CNTN5: variants seen among roughly 807,000 people sequenced by gnomAD.
CNTN5 encodes contactin 5, also known as contactin-5.
Under a neutral mutation model 129.1 loss-of-function variants are expected in CNTN5, and 77 were observed. The ratio of observed to expected loss-of-function variants is 0.60; its 90% confidence interval spans 0.50 to 0.72. The LOEUF (loss-of-function observed/expected upper bound fraction) is 0.72. Ranked by LOEUF, CNTN5 falls within the 30% of genes least tolerant of loss-of-function variation. The probability of loss-of-function intolerance (pLI) is 0.00; values close to 1 mark genes in which losing one functional copy is unlikely to be tolerated. For synonymous variants in CNTN5, 509 were observed against 465.6 expected (o/e 1.09, Z -1.20); for missense variants, 1,478 against 1,328.8 (o/e 1.11, Z -1.75).
intron 2 of CNTN5, among the ~76,000 whole-genome samples, chr11:99,408,722 C>A (rs923796949): frequency 1.4e-4 from 22 of 152,114 alleles, no homozygotes; most frequent in African/African-American, 5.3e-4. Flanking sequence ...CAGATTTAAC[C>A]TCCAAAAAAA....
At chr11:99,206,393 G>A (rs1859483792) in intron 1 of CNTN5, among the ~76,000 whole-genome samples, 2 of 152,162 alleles carry the variant, frequency 1.3e-5, no homozygotes, top group Admixed American at 6.5e-5. Flanking sequence ...CTTTCCCCAG[G>A]TCGTCTCAAT....
chr11:99,912,440 A>T (rs544151485), intron 6 of CNTN5, among the ~76,000 whole-genome samples: 1 of 151,976 alleles, frequency 6.6e-6, no homozygotes, highest in East Asian at 1.9e-4. Context: ...ATTCATTTAT[A>T]TATGTATATC....
chr11:99,479,977 G>A (rs1227413637), intron 2 of CNTN5, among the ~76,000 whole-genome samples: 1 of 150,550 alleles, frequency 6.6e-6, no homozygotes, highest in Admixed American at 6.7e-5. Context: ...AAGAAAAAAA[G>A]CTAAACCCTT....
rs1955011007 is a variant in CNTN5, at chr11:99,711,992, T to A, written c.56-107552T>A. Among the ~76,000 whole-genome samples the A allele has an allele frequency of 4.6e-5, 7 of 152,242 alleles. No homozygotes were observed. In the South Asian group the frequency reaches 1.4e-3, roughly 32 times the overall value. ...AATGATTTATAATCCTTTGGGTATA[T>A]ACCCAGTAATATAATGGCTAGGTCA... is the stretch of plus-strand genomic sequence containing the variant. On this transcript the variant is annotated intron_variant, in intron 3 of 24. Coordinates refer to ENST00000524871, the MANE Select transcript of CNTN5 (RefSeq NM_014361.4).
intron 12 of CNTN5, 86 bp from the exon 13 acceptor site, chr11:100,074,058 G>T: frequency 7.7e-7 from 1 of 1,296,194 alleles, no homozygotes; most frequent in Non-Finnish European, 1.1e-6. Flanking sequence ...CCTCCCAGAA[G>T]AAAAAGTTAC....
chr11:99,261,024 A>G (rs1360669157), intron 1 of CNTN5, among the ~76,000 whole-genome samples: 1 of 151,858 alleles, frequency 6.6e-6, no homozygotes, highest in Non-Finnish European at 1.5e-5. Context: ...TTATAGAATG[A>G]TCCCCTTTTT....
chr11:99,505,137 C>T (rs951514796), intron 2 of CNTN5, among the ~76,000 whole-genome samples: 1 of 152,116 alleles, frequency 6.6e-6, no homozygotes, highest in African/African-American at 2.4e-5. Context: ...CCTCCCATTT[C>T]GCCCAAGTTA....
chr11:99,141,299 G>T (rs1859502688), intron 1 of CNTN5, among the ~76,000 whole-genome samples: 1 of 151,920 alleles, frequency 6.6e-6, no homozygotes, highest in Non-Finnish European at 1.5e-5. Context: ...GTTTGTAATA[G>T]TCTGTGAGGT....
At chr11:99,536,238 T>C (rs756192557) in intron 2 of CNTN5, among the ~76,000 whole-genome samples, 3 of 149,214 alleles carry the variant, frequency 2.0e-5, no homozygotes, top group Non-Finnish European at 4.5e-5. Flanking sequence ...TAATAGACTA[T>C]TGGCCTTCAA....
chr11:100,228,379 T>A (rs1949423674), intron 16 of CNTN5, among the ~76,000 whole-genome samples: 1 of 152,152 alleles, frequency 6.6e-6, no homozygotes, highest in South Asian at 2.1e-4. Flanking sequence ...TTGGGAGACA[T>A]CTAACTGCTT....
chr11:99,958,221 G>C (rs1950853803), intron 8 of CNTN5, among the ~76,000 whole-genome samples: 1 of 152,150 alleles, frequency 6.6e-6, no homozygotes, highest in Admixed American at 6.5e-5. Context: ...ATAAATGACT[G>C]AACAAAAGCA....
At chr11:99,039,069 C>T (rs1382822532) in intron 1 of CNTN5, among the ~76,000 whole-genome samples, 2 of 151,996 alleles carry the variant, frequency 1.3e-5, no homozygotes, top group Non-Finnish European at 2.9e-5. Context: ...ACTGAAAAGA[C>T]TTGTTTTCAA....
intron 21 of CNTN5, chr11:100,309,119 G>T: frequency 2.0e-6 from 2 of 985,016 alleles, no homozygotes; most frequent in South Asian, 9.4e-5. Flanking sequence ...TCTTGTTCTT[G>T]CCTTGCTTGG....
chr11:99,682,865 C>G (rs1193643658), intron 3 of CNTN5, among the ~76,000 whole-genome samples: 1 of 151,822 alleles, frequency 6.6e-6, no homozygotes, highest in Non-Finnish European at 1.5e-5. Context: ...TTGCTCATAG[C>G]CACAGTTCAT....
At chr11:99,747,194 CTTCT>C (rs1944081380) in intron 3 of CNTN5, among the ~76,000 whole-genome samples, 2 of 152,008 alleles carry the variant, frequency 1.3e-5, no homozygotes, top group Admixed American at 1.3e-4. Flanking sequence ...AAAATATTGC[CTTCT>C]TTATTTCATT....
At chr11:100,292,136 T>G (rs941905214) in intron 18 of CNTN5, among the ~76,000 whole-genome samples, 12 of 152,106 alleles carry the variant, frequency 7.9e-5, no homozygotes, top group African/African-American at 2.7e-4. Context: ...CTTTTCTTTC[T>G]TCTTTCCACT....
chr11:99,573,303 G>T (rs1591298439), intron 3 of CNTN5, among the ~76,000 whole-genome samples: 1 of 152,186 alleles, frequency 6.6e-6, no homozygotes, highest in East Asian at 1.9e-4. Flanking sequence ...GGGTGCAGTG[G>T]CTCACGCCTG....
chr11:100,105,645 G>A (rs930626690), intron 13 of CNTN5, among the ~76,000 whole-genome samples: 3 of 152,144 alleles, frequency 2.0e-5, no homozygotes, highest in Admixed American at 1.3e-4. Flanking sequence ...GTCTGCCTTT[G>A]ATGAGTATCC....
intron 2 of CNTN5, among the ~76,000 whole-genome samples, chr11:99,516,465 C>T (rs577131698): frequency 6.6e-6 from 1 of 152,002 alleles, no homozygotes; most frequent in Non-Finnish European, 1.5e-5. Flanking sequence ...TTTTCAGGTT[C>T]TTCTCTTTTT....
Sources: allele counts gnomAD v4.1 joint callset (sites outside exome capture counted in the v4.1 genomes callset), GRCh38; gene constraint gnomAD v4.1.1; transcripts MANE v1.5; gene names NCBI Gene and HGNC (gene_info 2026-07-23, HGNC 2026-07-21).